Variants in FERMT2 observed in about 807,000 individuals in gnomAD.
The protein encoded by FERMT2 is FERM domain containing kindlin 2, also known as fermitin family homolog 2.
In FERMT2, 15 loss-of-function variants were observed where a neutral mutation model predicts 82.7. That is an observed-to-expected ratio of 0.18 (90% CI 0.12 to 0.28). FERMT2 has a LOEUF of 0.28. Among genes scored for constraint, FERMT2 ranks in the 10% least tolerant of loss-of-function variants. The pLI, the probability that FERMT2 is intolerant of heterozygous loss-of-function variation, is 1.00. For missense variants in FERMT2, 645 were observed against 809.4 expected (o/e 0.80, Z 2.46); for synonymous variants, 274 against 271.5 (o/e 1.01, Z -0.09).
chr14:52,892,166 GTT>G (rs10547747), intron 4 of FERMT2, among the ~76,000 whole-genome samples: 107 of 128,822 alleles, frequency 8.3e-4, no homozygotes, highest in African/African-American at 3.1e-3. Flanking sequence ...GCTGTTTTTT[GTT>G]TTTTTTTTTT....
chr14:52,896,187 C>G (rs969759798), intron 3 of FERMT2, among the ~76,000 whole-genome samples: 3 of 152,094 alleles, frequency 2.0e-5, no homozygotes, highest in Non-Finnish European at 4.4e-5. Flanking sequence ...CATCGTTGAC[C>G]AAAATATTGT....
At chr14:52,885,761 AAAAGAGTACT>A (rs1180906317) in intron 4 of FERMT2, among the ~76,000 whole-genome samples, 2 of 152,182 alleles carry the variant, frequency 1.3e-5, no homozygotes, top group Non-Finnish European at 2.9e-5. Context: ...ATATTTTTTA[AAAAGAGTACT>A]AAAGTAATAC....
chr14:52,928,904 T>C (rs1341664037), intron 2 of FERMT2, among the ~76,000 whole-genome samples: 1 of 152,188 alleles, frequency 6.6e-6, no homozygotes, highest in Non-Finnish European at 1.5e-5. Context: ...CCTCCTACGC[T>C]CTGCTGCCCT....
chr14:52,904,325 T>A (rs1887855243), intron 3 of FERMT2, among the ~76,000 whole-genome samples: 1 of 152,232 alleles, frequency 6.6e-6, no homozygotes, highest in Non-Finnish European at 1.5e-5. Flanking sequence ...GAGACCAGCC[T>A]GGCCAACGTG....
At chr14:52,867,756 GCTC>G (rs1250063738) in intron 10 of FERMT2, among the ~76,000 whole-genome samples, 1 of 151,926 alleles carries the variant, frequency 6.6e-6, no homozygotes, top group Non-Finnish European at 1.5e-5. Context: ...CCCAAACCCA[GCTC>G]CTTTTTCTAC....
At chr14:52,925,425 G>A (rs1435619286) in intron 2 of FERMT2, among the ~76,000 whole-genome samples, 1 of 151,892 alleles carries the variant, frequency 6.6e-6, no homozygotes, top group Non-Finnish European at 1.5e-5. Flanking sequence ...GGGCCTGTTG[G>A]TGCACACCTG....
At chr14:52,881,832 TAGGAA>T (rs777625515) in intron 4 of FERMT2, 9 of 1,280,136 alleles carry the variant, frequency 7.0e-6, no homozygotes, top group Middle Eastern at 2.1e-4. Flanking sequence ...TCAGTGCCTA[TAGGAA>T]AGGAAAGAAA....
chr14:52,925,894 T>C (rs1009691001), intron 2 of FERMT2, among the ~76,000 whole-genome samples: 4 of 152,158 alleles, frequency 2.6e-5, no homozygotes, highest in African/African-American at 9.7e-5. Context: ...TCCAACCCCC[T>C]TGGCCTCCCA....
intron 3 of FERMT2, among the ~76,000 whole-genome samples, chr14:52,899,968 T>G (rs1887525316): frequency 6.6e-6 from 1 of 152,184 alleles, no homozygotes; most frequent in Non-Finnish European, 1.5e-5. Flanking sequence ...CATGAAAACT[T>G]TAAAATAGCC....
chr14:52,923,143 C>T (rs1440886166), intron 2 of FERMT2, among the ~76,000 whole-genome samples: 5 of 151,650 alleles, frequency 3.3e-5, no homozygotes, highest in Non-Finnish European at 7.4e-5. Flanking sequence ...GTTGTATAGT[C>T]TGCTGTAGTT....
intron 4 of FERMT2, among the ~76,000 whole-genome samples, chr14:52,888,861 A>G (rs1886759232): frequency 6.6e-6 from 1 of 152,186 alleles, no homozygotes; most frequent in Non-Finnish European, 1.5e-5. Context: ...AATTTTAATT[A>G]ATTTTTTTTT....
chr14:52,879,773 C>T (rs1441632052), intron 6 of FERMT2, among the ~76,000 whole-genome samples: 1 of 152,062 alleles, frequency 6.6e-6, no homozygotes, highest in Non-Finnish European at 1.5e-5. Context: ...AGGTTTCTTT[C>T]CCCAGGCTGA....
chr14:52,883,151 TCAAA>T (rs546675639), intron 4 of FERMT2, among the ~76,000 whole-genome samples: 3,553 of 152,012 alleles, frequency 0.023, 54 homozygotes, highest in South Asian at 0.062. Flanking sequence ...AGACTCTATC[TCAAA>T]CAAACAAACA....
In FERMT2 at chr14:52,866,618, A is replaced by G. The variant is rs1462470269; in HGVS notation, c.1274-1765T>C. Among the ~76,000 whole-genome samples, 4 of 152,214 alleles carry G rather than the reference A, an allele frequency of 2.6e-5. No individual in the cohort carries two copies. In the East Asian group the frequency reaches 7.7e-4, roughly 29 times the overall value. On this transcript the variant is annotated intron_variant, in intron 10 of 14. Coordinates refer to ENST00000341590, the MANE Select transcript of FERMT2 (RefSeq NM_006832.3). ...GAAAAAAAGGTTTCACTACAGATTC[A>G]TGGATACCAACCTCAGCTGGGCCCT...
At position 52,950,458 on chromosome 14, in the gene FERMT2, G is replaced by A. The variant is rs1339822871; in HGVS notation, c.111C>T (p.Gly37=). The A allele has an allele frequency of 6.2e-7, 1 of 1,613,864 alleles. No homozygotes were observed. The highest frequency in any genetic ancestry group is 1.7e-5 in the Admixed American group (1 of 59,994). Residue 37 remains glycine, a synonymous_variant, in exon 2 of 15, where the codon GGC becomes GGT. Transcript: ENST00000341590. ...LNRDVTLRVT[G]EVHIGGVMLK... ...GCATCACGCCTCCAATGTGCACCTC[G>A]CCGGTCACTCTCAGGGTGACATCGC...
intron 2 of FERMT2, among the ~76,000 whole-genome samples, chr14:52,943,607 G>A (rs1012303738): frequency 1.3e-5 from 2 of 152,130 alleles, no homozygotes; most frequent in African/African-American, 4.8e-5. Context: ...CTGTAATTAT[G>A]CAAGAGAAGT....
intron 2 of FERMT2, among the ~76,000 whole-genome samples, chr14:52,947,589 G>A (rs952138381): frequency 2.0e-5 from 3 of 152,094 alleles, no homozygotes; most frequent in African/African-American, 7.2e-5. Context: ...AAGTGTACAC[G>A]TTATTTATAA....
At chr14:52,944,837 C>T (rs1035156147) in intron 2 of FERMT2, among the ~76,000 whole-genome samples, 2 of 152,120 alleles carry the variant, frequency 1.3e-5, no homozygotes, top group African/African-American at 4.8e-5. Context: ...AAGAACATGA[C>T]ACACTTTTAA....
At chr14:52,891,098 CTGT>C in intron 4 of FERMT2, among the ~76,000 whole-genome samples, 1 of 152,302 alleles carries the variant, frequency 6.6e-6, no homozygotes. Flanking sequence ...ATTCCATCGT[CTGT>C]TGTTAAATAT....
Sources: gnomAD v4.1 joint callset for allele counts (sites outside exome capture counted in the v4.1 genomes callset) on GRCh38, gnomAD v4.1.1 for gene constraint, MANE v1.5 for transcripts, NCBI Gene and HGNC (gene_info 2026-07-23, HGNC 2026-07-21) for gene names.